Variants in DMD observed in about 807,000 individuals in gnomAD.
The protein encoded by DMD is mutant dystrophin.
In DMD, 63 loss-of-function variants were observed where a neutral mutation model predicts 330.1. The ratio of observed to expected loss-of-function variants is 0.19; its 90% CI spans 0.16 to 0.24. DMD has a LOEUF of 0.24. Among genes scored for constraint, DMD ranks in the 10% least tolerant of loss-of-function variants. The pLI, the probability that DMD is intolerant of heterozygous loss-of-function variation, is 1.00. For synonymous variants in DMD, 1,223 were observed against 959.8 expected, an observed-to-expected ratio of 1.27 and a Z score of -5.07; for missense variants, 3,344 against 2,684.1, an observed-to-expected ratio of 1.25 and a Z score of -5.43.
At chrX:32,357,497 T>C (rs2097806991) in intron 37 of DMD, among the ~76,000 whole-genome samples, 1 of 111,315 alleles carries the variant, frequency 9.0e-6, no homozygotes, top group Admixed American at 9.6e-5. Context: ...TTTACTGATC[T>C]AGACTGAAAT....
At chrX:32,737,226 G>A (rs917078797) in intron 7 of DMD, among the ~76,000 whole-genome samples, 1 of 110,414 alleles carries the variant, frequency 9.1e-6, no homozygotes, top group African/African-American at 3.3e-5. Flanking sequence ...CGTGAAGTGT[G>A]AATACATGTT....
intron 23 of DMD, 100 bp downstream of exon 23, chrX:32,468,398 C>T (rs754211051): frequency 1.3e-6 from 1 of 749,028 alleles, no homozygotes; most frequent in Non-Finnish European, 2.0e-6. Flanking sequence ...TTGAAAGATG[C>T]TGAAGGTCAA....
intron 30 of DMD, among the ~76,000 whole-genome samples, chrX:32,397,941 T>C (rs1300199790): frequency 2.7e-5 from 3 of 111,113 alleles, no homozygotes; most frequent in Non-Finnish European, 5.7e-5. Flanking sequence ...GTAAAAGATA[T>C]TAAAATACTT....
intron 1 of DMD, among the ~76,000 whole-genome samples, chrX:33,327,640 T>C (rs1443254272): frequency 1.8e-5 from 2 of 111,777 alleles, no homozygotes; most frequent in African/African-American, 6.5e-5. Context: ...TTTAATGATA[T>C]TGGAAAAAGA....
chrX:33,307,975 C>A (rs1324535005), intron 1 of DMD, among the ~76,000 whole-genome samples: 1 of 111,903 alleles, frequency 8.9e-6, no homozygotes, highest in Admixed American at 9.6e-5. Flanking sequence ...AAACATAAAT[C>A]TAAATTTCAT....
chrX:31,300,965 T>C (rs1019060191), intron 62 of DMD, among the ~76,000 whole-genome samples: 2 of 112,016 alleles, frequency 1.8e-5, no homozygotes, highest in African/African-American at 6.5e-5. Flanking sequence ...TAGAACAACC[T>C]GAAATCTGGA....
At chrX:33,076,751 C>T (rs1052504197) in intron 1 of DMD, among the ~76,000 whole-genome samples, 2 of 111,285 alleles carry the variant, frequency 1.8e-5, no homozygotes, top group South Asian at 3.8e-4. Context: ...AAACTGTGAC[C>T]GCCCAAGAGG....
chrX:31,717,802 T>C (rs1236479895), intron 52 of DMD, among the ~76,000 whole-genome samples: 1 of 112,500 alleles, frequency 8.9e-6, no homozygotes, highest in African/African-American at 3.2e-5. Context: ...TGATTTTATC[T>C]TTTCAAACAT....
chrX:33,238,524 ATG>A (rs1354704900), intron 1 of DMD, among the ~76,000 whole-genome samples: 1 of 110,842 alleles, frequency 9.0e-6, no homozygotes, highest in Non-Finnish European at 1.9e-5. Context: ...GTGTGTGTTA[ATG>A]TGTGTGTCTG....
At chrX:32,054,196 T>C (rs906824165) in intron 44 of DMD, among the ~76,000 whole-genome samples, 2 of 108,081 alleles carry the variant, frequency 1.9e-5, no homozygotes, top group African/African-American at 6.8e-5. Context: ...TTTTCTTCTT[T>C]TTTTTTTTTA....
At chrX:31,198,457 T>C (rs981982021) in intron 67 of DMD, among the ~76,000 whole-genome samples, 1 of 111,920 alleles carries the variant, frequency 8.9e-6, no homozygotes, top group East Asian at 2.8e-4. Context: ...AAATGATGAA[T>C]GTTTGAGATG....
At chrX:32,274,944 T>C (rs1424755078) in intron 43 of DMD, among the ~76,000 whole-genome samples, 1 of 112,043 alleles carries the variant, frequency 8.9e-6, no homozygotes, top group African/African-American at 3.2e-5. Flanking sequence ...TAGTAAAACT[T>C]CCATGTAATT....
At chrX:32,330,786 C>T (rs752206708) in intron 41 of DMD, among the ~76,000 whole-genome samples, 5 of 111,284 alleles carry the variant, frequency 4.5e-5, no homozygotes, top group African/African-American at 1.6e-4. Flanking sequence ...GAAAGAAATA[C>T]CAATTCAGTG....
chrX:32,559,734 G>C (rs900525616), intron 16 of DMD, among the ~76,000 whole-genome samples: 1 of 111,643 alleles, frequency 9.0e-6, no homozygotes, highest in African/African-American at 3.3e-5. Flanking sequence ...TTTGCATTTT[G>C]GGTATAATAA....
intron 11 of DMD, among the ~76,000 whole-genome samples, chrX:32,624,308 G>T (rs1007268339): frequency 4.5e-5 from 5 of 111,582 alleles, no homozygotes; most frequent in Non-Finnish European, 9.4e-5. Context: ...GCAGGAGTTG[G>T]TCCTGACAGT....
chrX:33,176,286 A>C (rs1477214302), intron 1 of DMD, among the ~76,000 whole-genome samples: 37 of 111,027 alleles, frequency 3.3e-4, no homozygotes, highest in Non-Finnish European at 5.7e-5. Context: ...TCTAATCTGG[A>C]AACTTCTGTT....
At chrX:32,852,781 G>A (rs2081242469) in intron 2 of DMD, among the ~76,000 whole-genome samples, 1 of 111,244 alleles carries the variant, frequency 9.0e-6, no homozygotes, top group Non-Finnish European at 1.9e-5. Flanking sequence ...TGAGGCAGTG[G>A]TAGCCATGGG....
chrX:31,222,105 A>G (rs1301382854), intron 64 of DMD, among the ~76,000 whole-genome samples: 1 of 111,277 alleles, frequency 9.0e-6, no homozygotes, highest in Non-Finnish European at 1.9e-5. Flanking sequence ...CTGAGCCAGG[A>G]GAATGGCGTG....
chrX:32,602,685 G>A (rs2056323674), intron 12 of DMD, among the ~76,000 whole-genome samples: 1 of 111,361 alleles, frequency 9.0e-6, no homozygotes, highest in Admixed American at 9.6e-5. Context: ...AGTATTTAAT[G>A]TGTAGCTACC....
Sources: gnomAD v4.1 joint callset for allele counts (sites outside exome capture counted in the v4.1 genomes callset) on GRCh38, gnomAD v4.1.1 for gene constraint, MANE v1.5 for transcripts, NCBI Gene and HGNC (gene_info 2026-07-23, HGNC 2026-07-21) for gene names.